KIDINS220: variants seen among roughly 807,000 people sequenced by gnomAD.
KIDINS220 encodes the protein kinase D interacting substrate 220.
In KIDINS220, 63 loss-of-function variants were observed where a neutral mutation model predicts 157.6. The ratio of observed to expected loss-of-function variants is 0.40; its 90% CI spans 0.33 to 0.49. KIDINS220 has a LOEUF of 0.49. Ranked by LOEUF, KIDINS220 falls within the 20% of genes least tolerant of loss-of-function variation. The pLI, the probability that KIDINS220 is intolerant of heterozygous loss-of-function variation, is 0.66. For synonymous variants in KIDINS220, 732 were observed against 783.6 expected, an observed-to-expected ratio of 0.93 and a Z score of 1.10; for missense variants, 1,772 against 2,171.2, an observed-to-expected ratio of 0.82 and a Z score of 3.65.
chr2:8,778,887 G>A lies in KIDINS220; in HGVS notation c.2614+9C>T, dbSNP rs1671324179. 3 of 1,613,540 alleles carry A rather than the reference G, an allele frequency of 1.9e-6. No individual in the cohort carries two copies. The highest frequency in any genetic ancestry group is 2.5e-6 in the Non-Finnish European group (3 of 1,179,490). ...CAAACTCAAAGTACTTTAGGAGCCT[G>A]AGCTTTACCTGTAGTATCTGAGCAT... On this transcript the variant is annotated intron_variant, in intron 19 of 29. Coordinates refer to ENST00000256707, the MANE Select transcript of KIDINS220 (RefSeq NM_020738.4).
rs1410721146 is a variant in KIDINS220 at position 8,786,003 on chromosome 2, C to A, written c.1967G>T (p.Cys656Phe). The change falls in exon 17 of 30, where the codon TGT becomes TTT. Residue 656 changes from cysteine (C) to phenylalanine (F), a missense_variant. Cys to Phe is a radical substitution (Grantham distance 205). Around this residue, in one of 3 missense-constraint regions of KIDINS220, gnomAD observed 725 missense variants for 1,017.1 expected, o/e 0.71. Coordinates refer to ENST00000256707, the MANE Select transcript of KIDINS220 (RefSeq NM_020738.4). Reference protein sequence around the residue: ...QGKKKWKKTCCLPSFVIFLFI... With the variant: ...QGKKKWKKTCFLPSFVIFLFI... ...AAGGAAGATGACAAAAGATGGGAGACAACATGTTTTTTTCCATTTCTTTTT... is the reference window on the plus strand; with the variant it reads ...AAGGAAGATGACAAAAGATGGGAGAAAACATGTTTTTTTCCATTTCTTTTT... 3.1e-6 allele frequency: 5 copies of A among 1,608,314 alleles called. No homozygotes were observed. The highest frequency in any genetic ancestry group is 4.2e-6 in the Non-Finnish European group (5 of 1,178,094).
intron 25 of KIDINS220, 135 bp downstream of exon 25, chr2:8,747,752 A>T (rs1456992110): frequency 9.0e-6 from 4 of 446,342 alleles, no homozygotes; most frequent in Non-Finnish European, 1.6e-5. Context: ...ATTTTATGTT[A>T]GTAATAGGTT....
intron 22 of KIDINS220, among the ~76,000 whole-genome samples, chr2:8,759,989 C>A (rs764441991): frequency 1.3e-5 from 2 of 152,170 alleles, no homozygotes; most frequent in African/African-American, 2.4e-5. Context: ...AGCAGCAGAG[C>A]GGGTACCTGC....
intron 2 of KIDINS220, among the ~76,000 whole-genome samples, chr2:8,824,941 A>G (rs1337054227): frequency 6.6e-6 from 1 of 152,226 alleles, no homozygotes; most frequent in African/African-American, 2.4e-5. Flanking sequence ...CAAACAGTAT[A>G]TAAGTCCAAT....
At chr2:8,835,511 CAA>C (rs567810714) in intron 1 of KIDINS220, among the ~76,000 whole-genome samples, 2 of 151,952 alleles carry the variant, frequency 1.3e-5, no homozygotes, top group Non-Finnish European at 2.9e-5. Context: ...AGCCAATCAG[CAA>C]AGAGAGAATA....
At chr2:8,828,041 C>G (rs953717844) in intron 1 of KIDINS220, among the ~76,000 whole-genome samples, 1 of 152,028 alleles carries the variant, frequency 6.6e-6, no homozygotes, top group Non-Finnish European at 1.5e-5. Context: ...TATTCAAAGC[C>G]CTCTAAGGGC....
intron 1 of KIDINS220, among the ~76,000 whole-genome samples, chr2:8,831,281 A>G (rs1171763733): frequency 6.6e-6 from 1 of 152,110 alleles, no homozygotes; most frequent in East Asian, 1.9e-4. Context: ...GCCCCATCTT[A>G]CCATTCCAGC....
chr2:8,747,048 AG>A (rs1666680850), intron 26 of KIDINS220, 96 bp downstream of exon 26: 1 of 1,054,354 alleles, frequency 9.5e-7, no homozygotes, highest in Non-Finnish European at 1.5e-6. Flanking sequence ...CCACAAACGC[AG>A]AGTTAGTGAG....
intron 13 of KIDINS220, among the ~76,000 whole-genome samples, chr2:8,790,301 A>G (rs1673015493): frequency 6.6e-6 from 1 of 152,190 alleles, no homozygotes; most frequent in Non-Finnish European, 1.5e-5. Flanking sequence ...TGGAGGATGT[A>G]CAAAACCCCT....
At chr2:8,749,435 T>C (rs575397977) in intron 24 of KIDINS220, 1 of 456,106 alleles carries the variant, frequency 2.2e-6, no homozygotes, top group Admixed American at 2.4e-5. Flanking sequence ...CAGGAAATAT[T>C]AGTGTTTGAG....
intron 9 of KIDINS220, among the ~76,000 whole-genome samples, chr2:8,798,577 T>C (rs575146975): frequency 2.0e-5 from 3 of 152,322 alleles, no homozygotes; most frequent in African/African-American, 7.2e-5. Flanking sequence ...ACACACTGGG[T>C]TAGGAGTCAT....
chr2:8,833,975 ATGC>A (rs1290896941), intron 1 of KIDINS220, among the ~76,000 whole-genome samples: 1 of 152,176 alleles, frequency 6.6e-6, no homozygotes, highest in African/African-American at 2.4e-5. Context: ...CAATAGTGCC[ATGC>A]TGCCCAAGGC....
intron 2 of KIDINS220, among the ~76,000 whole-genome samples, chr2:8,821,308 A>G (rs1285195815): frequency 2.0e-5 from 3 of 152,052 alleles, no homozygotes; most frequent in Non-Finnish European, 4.4e-5. Context: ...CAGTATCTAG[A>G]AAGACAGGGC....
At chr2:8,787,990 G>A (rs985085763) in intron 15 of KIDINS220, among the ~76,000 whole-genome samples, 3 of 152,116 alleles carry the variant, frequency 2.0e-5, no homozygotes, top group Admixed American at 2.0e-4. Context: ...CAAGGCCAGT[G>A]GCTGGACCCC....
chr2:8,786,518 G>C (rs1672417878), intron 15 of KIDINS220, among the ~76,000 whole-genome samples, 161 bp from the exon 16 acceptor site: 1 of 152,060 alleles, frequency 6.6e-6, no homozygotes, highest in African/African-American at 2.4e-5. Context: ...TAATTAGGTA[G>C]CTTCCACTTC....
chr2:8,751,322 T>G, intron 23 of KIDINS220, 144 bp downstream of exon 23: 1 of 566,142 alleles, frequency 1.8e-6, no homozygotes, highest in Non-Finnish European at 3.0e-6. Flanking sequence ...TCCTAATCTT[T>G]AATTTCATGA....
chr2:8,727,351 T>C, downstream of KIDINS220: 1 of 758,964 alleles, frequency 1.3e-6, no homozygotes, highest in Non-Finnish European at 1.6e-6. Flanking sequence ...CACCTTCCCT[T>C]TTACCCACGT....
chr2:8,785,703 C>T (rs746555299), intron 17 of KIDINS220, 38 bp downstream of exon 17: 2 of 1,549,144 alleles, frequency 1.3e-6, no homozygotes, highest in Admixed American at 1.9e-5. Flanking sequence ...GCAACATATT[C>T]GCATTACAAT....
Position 8,779,781 on chromosome 2 carries a change from T to C in KIDINS220, c.2263A>G (p.Met755Val), listed in dbSNP as rs1440063914. Residue 755 changes from methionine to valine, a missense_variant, in exon 18 of 30, where the codon ATG (methionine) becomes GTG (valine). This residue lies in a region of KIDINS220 where 725 missense variants were observed against 1,017.1 expected (regional missense o/e 0.71). Coordinates refer to ENST00000256707, the MANE Select transcript of KIDINS220 (RefSeq NM_020738.4). ...LKCEVELMAR[M>V]AKTIDSFTQN... ...GTGAAGCTGTCAATGGTTTTTGCCA[T>C]CCTGGCCATCAATTCCACTTCACAT... 2 of 1,614,180 alleles carry C rather than the reference T, an allele frequency of 1.2e-6. No individual in the cohort carries two copies. Among genetic ancestry groups the C allele is most frequent in the South Asian group, 2.2e-5 (2 of 91,090 alleles).
Sources: gnomAD v4.1 joint callset for allele counts (sites outside exome capture counted in the v4.1 genomes callset) on GRCh38, gnomAD v4.1.1 for gene constraint, gnomAD v4.1.1 regional missense constraint, MANE v1.5 for transcripts, NCBI Gene and HGNC (gene_info 2026-07-23, HGNC 2026-07-21) for gene names.